Variants in CLSTN2 observed in about 807,000 individuals in gnomAD.
CLSTN2 encodes calsyntenin-2.
Under a neutral mutation model 101.2 loss-of-function variants are expected in CLSTN2, and 48 were observed. The ratio of observed to expected loss-of-function variants is 0.47; its 90% CI spans 0.38 to 0.60. The LOEUF (loss-of-function observed/expected upper bound fraction) is 0.60. Among genes scored for constraint, CLSTN2 ranks in the 20% least tolerant of loss-of-function variants. The pLI, the probability that CLSTN2 is intolerant of heterozygous loss-of-function variation, is 0.00. For missense variants in CLSTN2, 1,160 were observed against 1,238.2 expected, an observed-to-expected ratio of 0.94 and a Z score of 0.95; for synonymous variants, 481 against 463.6, an observed-to-expected ratio of 1.04 and a Z score of -0.48.
At chr3:140,300,438 G>C (rs140188555) in intron 2 of CLSTN2, among the ~76,000 whole-genome samples, 1,918 of 152,228 alleles carry the variant, frequency 0.013, 42 homozygotes, top group African/African-American at 0.043. Context: ...CTTTGGCATT[G>C]AGAATTCAGG....
At chr3:140,414,126 A>G (rs936843981) in intron 4 of CLSTN2, among the ~76,000 whole-genome samples, 2 of 152,154 alleles carry the variant, frequency 1.3e-5, no homozygotes. Context: ...TGCAGATTAC[A>G]TGATTTTACA....
chr3:140,379,317 A>G (rs2087954063), intron 2 of CLSTN2, among the ~76,000 whole-genome samples: 1 of 152,160 alleles, frequency 6.6e-6, no homozygotes, highest in Non-Finnish European at 1.5e-5. Context: ...AGGGATGTAC[A>G]CCCAGAGTAC....
chr3:140,377,022 C>CACAGAGAGAGAG (rs148236356), intron 2 of CLSTN2, among the ~76,000 whole-genome samples: 7,765 of 148,708 alleles, frequency 0.052, 306 homozygotes, highest in African/African-American at 0.096. Context: ...CACACATACA[C>CACAGAGAGAGAG]AGAGAGAGAG....
intron 1 of CLSTN2, among the ~76,000 whole-genome samples, chr3:140,130,800 C>A (rs923429094): frequency 6.6e-6 from 1 of 152,062 alleles, no homozygotes; most frequent in Non-Finnish European, 1.5e-5. Context: ...ATATATTTTG[C>A]GTCTTTGTTT....
At chr3:140,536,016 CT>C in intron 9 of CLSTN2, among the ~76,000 whole-genome samples, 1 of 136,470 alleles carries the variant, frequency 7.3e-6, no homozygotes, top group East Asian at 3.3e-4. Flanking sequence ...CCTTACTAAT[CT>C]TTTAAAAACA....
At chr3:140,301,145 T>C (rs2087054787) in intron 2 of CLSTN2, among the ~76,000 whole-genome samples, 1 of 152,330 alleles carries the variant, frequency 6.6e-6, no homozygotes, top group East Asian at 1.9e-4. Context: ...AATCCACTAA[T>C]GCTATCCAGA....
chr3:140,437,727 G>A (rs2088702640), intron 5 of CLSTN2, among the ~76,000 whole-genome samples: 1 of 152,170 alleles, frequency 6.6e-6, no homozygotes, highest in Non-Finnish European at 1.5e-5. Context: ...GAGAACCTGA[G>A]GTAGTAAGTG....
chr3:140,518,208 C>T (rs1053999699), intron 8 of CLSTN2, among the ~76,000 whole-genome samples: 1 of 152,118 alleles, frequency 6.6e-6, no homozygotes, highest in Non-Finnish European at 1.5e-5. Context: ...GAGAACTAGC[C>T]CCAGGCTACC....
At chr3:140,432,325 C>A (rs1363340231) in intron 5 of CLSTN2, among the ~76,000 whole-genome samples, 1 of 152,218 alleles carries the variant, frequency 6.6e-6, no homozygotes, top group Non-Finnish European at 1.5e-5. Flanking sequence ...CAGAACCACA[C>A]ACGATGGGGC....
At chr3:139,985,207 C>T (rs1426563779) in intron 1 of CLSTN2, among the ~76,000 whole-genome samples, 1 of 152,182 alleles carries the variant, frequency 6.6e-6, no homozygotes, top group Non-Finnish European at 1.5e-5. Context: ...CTGCTTAAAA[C>T]CTTCCAATGG....
At chr3:140,318,978 T>G (rs2087257282) in intron 2 of CLSTN2, among the ~76,000 whole-genome samples, 1 of 152,192 alleles carries the variant, frequency 6.6e-6, no homozygotes, top group African/African-American at 2.4e-5. Context: ...CATATTACTG[T>G]GAGAATCCAT....
chr3:140,024,176 T>C (rs929660463), intron 1 of CLSTN2, among the ~76,000 whole-genome samples: 49 of 152,300 alleles, frequency 3.2e-4, no homozygotes, highest in African/African-American at 1.1e-3. Context: ...GTAAAGACCT[T>C]ACCACACTTC....
At chr3:139,983,545 G>C (rs1360090352) in intron 1 of CLSTN2, among the ~76,000 whole-genome samples, 1 of 152,116 alleles carries the variant, frequency 6.6e-6, no homozygotes, top group Non-Finnish European at 1.5e-5. Flanking sequence ...TTTGGAGATA[G>C]GAGGGATTAT....
chr3:140,540,314 G>A (rs1182573744), intron 9 of CLSTN2, among the ~76,000 whole-genome samples: 1 of 152,196 alleles, frequency 6.6e-6, no homozygotes, highest in East Asian at 1.9e-4. Flanking sequence ...AAAGCCTGCT[G>A]GGAGTGTGCC....
chr3:140,242,021 C>T (rs1169132885), intron 2 of CLSTN2, among the ~76,000 whole-genome samples: 3 of 151,902 alleles, frequency 2.0e-5, no homozygotes, highest in Non-Finnish European at 4.4e-5. Flanking sequence ...GATTCTCCTG[C>T]CTCAGCCTCC....
chr3:140,338,208 C>T (rs1315069205), intron 2 of CLSTN2, among the ~76,000 whole-genome samples: 1 of 152,160 alleles, frequency 6.6e-6, no homozygotes, highest in Non-Finnish European at 1.5e-5. Flanking sequence ...CTCTCTCTCT[C>T]TTTCTCTTTG....
chr3:140,112,627 G>T (rs562357464), intron 1 of CLSTN2, among the ~76,000 whole-genome samples: 3 of 151,994 alleles, frequency 2.0e-5, no homozygotes, highest in African/African-American at 7.2e-5. Flanking sequence ...GGCTTGAGTC[G>T]CTCTAACCTC....
At position 140,573,041 on chromosome 3, in the gene CLSTN2, G is replaced by A. The variant is rs1335178591; in HGVS notation, c.*6788G>A. 6.6e-6 allele frequency: 1 copy of A among 152,286 alleles called. No individual in the cohort carries two copies. The highest frequency in any genetic ancestry group is 1.5e-5 in the Non-Finnish European group (1 of 68,108). 9.4% of individuals were successfully genotyped at this position (152,286 alleles called of 1,614,324 possible). On this transcript the variant is annotated 3_prime_UTR_variant, in exon 17 of 17. Transcript: ENST00000458420. ...GAGACTGCCCAGGAGAGGCTGCCAT[G>A]AGGTCACTCATCCCCAGGAAGGCCA...
chr3:140,157,402 T>G (rs2009973024), intron 1 of CLSTN2, among the ~76,000 whole-genome samples: 1 of 152,210 alleles, frequency 6.6e-6, no homozygotes, highest in Admixed American at 6.5e-5. Context: ...TTTAAATTAC[T>G]GATCCAATTT....
Sources: gnomAD v4.1 joint callset for allele counts (sites outside exome capture counted in the v4.1 genomes callset) on GRCh38, gnomAD v4.1.1 for gene constraint, MANE v1.5 for transcripts, NCBI Gene and HGNC (gene_info 2026-07-23, HGNC 2026-07-21) for gene names.